The following USP30 variants were observed in gnomAD, a reference collection of about 807,000 sequenced individuals.
USP30 encodes ubiquitin specific peptidase 30.
A neutral mutation model predicts 68.2 loss-of-function variants in USP30; 41 were observed. The ratio of observed to expected loss-of-function variants is 0.60; its 90% CI spans 0.47 to 0.78. USP30 has a LOEUF of 0.78. Ranked by LOEUF, USP30 falls within the 30% of genes least tolerant of loss-of-function variation. The probability of loss-of-function intolerance (pLI) is 0.00; values close to 1 mark genes in which losing one functional copy is unlikely to be tolerated. For missense variants in USP30, 522 were observed against 649.4 expected (o/e 0.80, Z 2.13); for synonymous variants, 229 against 253.7 (o/e 0.90, Z 0.93).
intron 4 of USP30, among the ~76,000 whole-genome samples, chr12:109,069,205 C>T (rs2135765582): frequency 6.6e-6 from 1 of 152,324 alleles, no homozygotes; most frequent in Non-Finnish European, 1.5e-5. Flanking sequence ...CTGTCCCTTT[C>T]CTTAAGGCCT....
At chr12:109,081,072 C>T (rs1451006717) in intron 7 of USP30, among the ~76,000 whole-genome samples, 3 of 152,150 alleles carry the variant, frequency 2.0e-5, no homozygotes, top group African/African-American at 7.2e-5. Context: ...TGGTTATTTC[C>T]TTAAAAATCC....
At chr12:109,077,885 T>G (rs2135802967) in intron 7 of USP30, among the ~76,000 whole-genome samples, 1 of 152,220 alleles carries the variant, frequency 6.6e-6, no homozygotes, top group African/African-American at 2.4e-5. Flanking sequence ...CACATTCTAT[T>G]TAGAGTTAAT....
intron 3 of USP30, among the ~76,000 whole-genome samples, chr12:109,061,858 C>A (rs2041077316): frequency 6.6e-6 from 1 of 152,174 alleles, no homozygotes; most frequent in Non-Finnish European, 1.5e-5. Context: ...TAGGTGAATC[C>A]TTCCAGACCC....
chr12:109,056,694 GAAGAACTGGGGAGT>G lies in USP30; in HGVS notation c.97_110del (p.Lys33TyrfsTer26). 1 of 1,608,276 alleles carries G rather than the reference GAAGAACTGGGGAGT, an allele frequency of 6.2e-7. No individual in the cohort carries two copies. The highest frequency in any genetic ancestry group is 2.2e-5 in the East Asian group (1 of 44,798). On this transcript the variant is annotated frameshift_variant, in exon 2 of 13. Coordinates refer to ENST00000257548, the MANE Select transcript of USP30 (RefSeq NM_032663.5). LOFTEE classifies it high-confidence loss of function. ...TTTTCTTTTTTAGATATAAAGTCAT[GAAGAACTGGGGAGT>G]TATAGGTGGAATTGCTGCTGCTCTT...
upstream of USP30, among the ~76,000 whole-genome samples, chr12:109,049,822 G>C (rs1435391145): frequency 6.7e-6 from 1 of 149,390 alleles, no homozygotes; most frequent in Non-Finnish European, 1.5e-5. Context: ...TTGCAAAAAA[G>C]AAAAGAAAAA....
intron 7 of USP30, among the ~76,000 whole-genome samples, chr12:109,074,535 T>C (rs1417825958): frequency 1.3e-5 from 2 of 152,214 alleles, no homozygotes; most frequent in Non-Finnish European, 2.9e-5. Flanking sequence ...CTCACCCACA[T>C]TTTGATGTCA....
intron 11 of USP30, 47 bp from the exon 12 acceptor site, chr12:109,084,904 TAC>T: frequency 6.7e-7 from 1 of 1,498,370 alleles, no homozygotes; most frequent in Non-Finnish European, 8.9e-7. Flanking sequence ...AGGTTTTGTT[TAC>T]AGAGCCACTG....
chr12:109,067,165 G>A (rs927382438), intron 3 of USP30, among the ~76,000 whole-genome samples: 1 of 141,092 alleles, frequency 7.1e-6, no homozygotes, highest in Non-Finnish European at 1.5e-5. Flanking sequence ...CCAGGCTGGA[G>A]TGCAGTGGCA....
chr12:109,045,260 T>A (rs1408613373), intron 3 of USP30, among the ~76,000 whole-genome samples: 1 of 152,212 alleles, frequency 6.6e-6, no homozygotes, highest in Non-Finnish European at 1.5e-5. Context: ...ATTACAGGCG[T>A]GAGCCACTGC....
intron 3 of USP30, among the ~76,000 whole-genome samples, chr12:109,028,461 T>C (rs1017993719): frequency 2.6e-5 from 4 of 151,164 alleles, no homozygotes; most frequent in African/African-American, 4.9e-5. Context: ...CTTTTTTTTT[T>C]CTGTTTTTTT....
chr12:109,054,202 A>G (rs2040767396), intron 1 of USP30, among the ~76,000 whole-genome samples: 1 of 152,190 alleles, frequency 6.6e-6, no homozygotes, highest in Non-Finnish European at 1.5e-5. Flanking sequence ...GTAAAAGCAC[A>G]GTGATGTATT....
chr12:109,072,418 GTTTTAAAAAGA>G (rs2041475354), intron 6 of USP30, 68 bp downstream of exon 6: 1 of 1,510,568 alleles, frequency 6.6e-7, no homozygotes, highest in African/African-American at 1.4e-5. Flanking sequence ...TAATTTGCTT[GTTTTAAAAAGA>G]TTTTTTTCTG....
At position 109,082,003 on chromosome 12, in the gene USP30, G is replaced by A; in HGVS notation, c.851G>A (p.Cys284Tyr). The A allele has an allele frequency of 6.2e-7, 1 of 1,614,216 alleles. No homozygotes were observed. The highest frequency in any genetic ancestry group is 8.5e-7 in the Non-Finnish European group (1 of 1,180,048). ...ISSESVRDVV[C>Y]DNCTKIEAKG... ...TCAGAATCAGTGCGGGATGTTGTGT[G>A]TGACAACTGTACAAAGGTATGCATT... Residue 284 changes from cysteine to tyrosine, a missense_variant, in exon 9 of 13, where the codon TGT (cysteine) becomes TAT (tyrosine). Transcript: ENST00000257548.
intron 3 of USP30, among the ~76,000 whole-genome samples, chr12:109,060,737 C>T (rs1225046230): frequency 6.6e-6 from 1 of 152,088 alleles, no homozygotes; most frequent in Non-Finnish European, 1.5e-5. Flanking sequence ...TCACTGCAAC[C>T]TCTGCCTCCC....
Position 109,085,845 on chromosome 12 carries a change from CT to C in USP30, c.1469del (p.Leu490ArgfsTer36). The C allele has an allele frequency of 1.9e-6, 3 of 1,614,252 alleles. No homozygotes were observed. Among genetic ancestry groups the C allele is most frequent in the Non-Finnish European group, 2.5e-6 (3 of 1,180,048 alleles). ...TVRKASLQEV[L>X]SSSAYLLFYE... ...CCGCAAGGCCAGCCTGCAGGAGGTC[CT>C]GTCCTCCAGCGCCTACCTGCTGTTC... On this transcript the variant is annotated frameshift_variant, in exon 13 of 13. Coordinates refer to ENST00000257548, the MANE Select transcript of USP30 (RefSeq NM_032663.5). LOFTEE classifies it high-confidence loss of function.
At chr12:109,078,292 C>T (rs1450787019) in intron 7 of USP30, among the ~76,000 whole-genome samples, 6 of 151,976 alleles carry the variant, frequency 3.9e-5, no homozygotes, top group Non-Finnish European at 1.5e-5. Context: ...GGCCTGGTGG[C>T]GGGCGTCTGT....
chr12:109,050,593 T>C (rs2040651107), upstream of USP30, among the ~76,000 whole-genome samples: 3 of 152,104 alleles, frequency 2.0e-5, no homozygotes, highest in Admixed American at 1.3e-4. Flanking sequence ...GAGGGAAAAA[T>C]CTTGCTGGCT....
chr12:109,055,399 TA>T (rs200411618), intron 1 of USP30, among the ~76,000 whole-genome samples: 562 of 46,978 alleles, frequency 0.012, 27 homozygotes, highest in African/African-American at 0.035. Context: ...TATATATATA[TA>T]TTTTTTTTTT....
rs2040514884 is a variant in USP30 at position 109,035,810 on chromosome 12, T to G, written c.-136+8254T>G. Among the ~76,000 whole-genome samples the G allele has an allele frequency of 2.0e-5, 3 of 152,340 alleles. No individual in the cohort carries two copies. The South Asian group carries it at 6.2e-4, about 32-fold the overall frequency. ...GCATTGTGTGCCCATCAGCATAAATTTATAATTATTGCTTTATGTGGTTGT... is the reference window on the plus strand; with the variant it reads ...GCATTGTGTGCCCATCAGCATAAATGTATAATTATTGCTTTATGTGGTTGT... On this transcript the variant is annotated intron_variant, in intron 3 of 15. Transcript: ENST00000392784.
Sources: allele counts gnomAD v4.1 joint callset (sites outside exome capture counted in the v4.1 genomes callset), GRCh38; gene constraint gnomAD v4.1.1; transcripts MANE v1.5; gene names NCBI Gene and HGNC (gene_info 2026-07-23, HGNC 2026-07-21).